Variants in PTPRT observed in about 807,000 individuals in gnomAD.
PTPRT encodes protein tyrosine phosphatase receptor type T.
Under a neutral mutation model 176.8 loss-of-function variants are expected in PTPRT, and 56 were observed. The ratio of observed to expected loss-of-function variants is 0.32; its 90% confidence interval spans 0.26 to 0.40. The LOEUF (loss-of-function observed/expected upper bound fraction) is 0.40, where lower values mean the gene tolerates loss of function less well. PTPRT is among the 10% of genes least tolerant of loss of function. PTPRT has a pLI of 1.00. For synonymous variants in PTPRT, 783 were observed against 739.0 expected (o/e 1.06, Z -0.96); for missense variants, 1,540 against 1,908.2 (o/e 0.81, Z 3.60).
intron 1 of PTPRT, among the ~76,000 whole-genome samples, chr20:42,962,709 CAG>C (rs544515920): frequency 6.6e-6 from 1 of 152,182 alleles, no homozygotes; most frequent in Non-Finnish European, 1.5e-5. Flanking sequence ...TAAAAGGACT[CAG>C]AAAGGATGTA....
At chr20:42,256,862 C>A (rs1399070767) in intron 13 of PTPRT, among the ~76,000 whole-genome samples, 1 of 152,194 alleles carries the variant, frequency 6.6e-6, no homozygotes. Context: ...GATCACCCAA[C>A]AGAAGTGGAA....
intron 1 of PTPRT, among the ~76,000 whole-genome samples, chr20:42,905,694 T>G (rs1164552484): frequency 6.6e-6 from 1 of 152,128 alleles, no homozygotes; most frequent in African/African-American, 2.4e-5. Flanking sequence ...TAGACTGGAT[T>G]AAGAAACTGT....
intron 12 of PTPRT, among the ~76,000 whole-genome samples, chr20:42,299,641 C>CTTTTTTTTTTT (rs34045854): frequency 7.0e-5 from 6 of 85,980 alleles, no homozygotes; most frequent in African/African-American, 2.0e-4. Context: ...GAACTTTTGC[C>CTTTTTTTTTTT]TTTTTTTTTT....
At chr20:42,360,196 T>C (rs2058414199) in intron 9 of PTPRT, among the ~76,000 whole-genome samples, 3 of 152,202 alleles carry the variant, frequency 2.0e-5, no homozygotes, top group Admixed American at 1.3e-4. Context: ...TGTGTCACCA[T>C]CCTGCTCCTT....
chr20:42,042,569 C>T, the PTPRT span, among the ~76,000 whole-genome samples: 1 of 152,200 alleles, frequency 6.6e-6, no homozygotes, highest in African/African-American at 2.4e-5. Flanking sequence ...AATGTTTGGA[C>T]TCCTGCTTAC....
At chr20:42,083,652 CCTCAATTCTGAGGTCAG>C (rs1983580811) in intron 29 of PTPRT, among the ~76,000 whole-genome samples, 1 of 152,196 alleles carries the variant, frequency 6.6e-6, no homozygotes, top group Admixed American at 6.5e-5. Flanking sequence ...AAAAGACTGA[CCTCAATTCTGAGGTCAG>C]TCAGATGTTA....
chr20:42,190,846 C>CT (rs1369358295), intron 16 of PTPRT, among the ~76,000 whole-genome samples: 1 of 152,136 alleles, frequency 6.6e-6, no homozygotes, highest in East Asian at 1.9e-4. Context: ...TAGTCTTGGA[C>CT]TAAGGGCCTC....
At position 42,236,239 on chromosome 20, in the gene PTPRT, A is replaced by T; in HGVS notation, c.2332T>A (p.Ser778Thr). The T allele has an allele frequency of 6.2e-7, 1 of 1,603,400 alleles. No individual in the cohort carries two copies. Among genetic ancestry groups the T allele is most frequent in the Non-Finnish European group, 8.5e-7 (1 of 1,170,922 alleles). Residue 778 changes from serine to threonine, a missense_variant, in exon 15 of 31, where the codon TCC becomes ACC. Physicochemically the swap from Ser to Thr is moderately conservative, Grantham distance 58 (BLOSUM62 1). This residue lies in a region of PTPRT where 255 missense variants were observed against 250.1 expected (regional missense o/e 1.02). Coordinates refer to ENST00000373187, the MANE Select transcript of PTPRT (RefSeq NM_007050.6). ...CAGCTCGATACTTACAAGTAATAGG[A>T]GTAGGAATAAGCATTTCTTCTATAT... is the stretch of plus-strand genomic sequence containing the variant. ...IKRRRNAYSY[S>T]YYLKLAKKQK...
rs547848277 is a variant in PTPRT, at chr20:42,136,759, T to C, written c.2770+5156A>G. ...AAAAGAAGAACATGAGATATGTATTTGGATGCAAGTAGTTGTTGTCGGGGG... is the reference window on the plus strand; with the variant it reads ...AAAAGAAGAACATGAGATATGTATTCGGATGCAAGTAGTTGTTGTCGGGGG... On this transcript the variant is annotated intron_variant, in intron 18 of 30. Transcript: ENST00000373187. 1.2e-4 allele frequency among the ~76,000 whole-genome samples: 19 copies of C among 152,306 alleles called. No homozygotes were observed. In the East Asian group the frequency reaches 3.3e-3, roughly 26 times the overall value.
At chr20:42,833,005 G>A (rs2078118382) in intron 2 of PTPRT, among the ~76,000 whole-genome samples, 1 of 151,894 alleles carries the variant, frequency 6.6e-6, no homozygotes, top group Admixed American at 6.6e-5. Context: ...TGGGAGGATT[G>A]CTTGAACACA....
At chr20:43,151,164 G>A (rs1420436450) in intron 1 of PTPRT, among the ~76,000 whole-genome samples, 2 of 151,982 alleles carry the variant, frequency 1.3e-5, no homozygotes, top group African/African-American at 4.8e-5. Context: ...AAATTAGCCA[G>A]GCATGGTGGC....
At chr20:43,000,553 A>G (rs1429291105) in intron 1 of PTPRT, among the ~76,000 whole-genome samples, 4 of 152,236 alleles carry the variant, frequency 2.6e-5, no homozygotes, top group Admixed American at 6.5e-5. Flanking sequence ...GACATGATAG[A>G]GCTAGGAAAA....
intron 7 of PTPRT, among the ~76,000 whole-genome samples, chr20:42,642,024 G>A (rs776867708): frequency 2.0e-5 from 3 of 152,142 alleles, no homozygotes; most frequent in Non-Finnish European, 4.4e-5. Context: ...GGAACTACAA[G>A]GTTATTAAAT....
intron 9 of PTPRT, among the ~76,000 whole-genome samples, chr20:42,381,432 C>T (rs6030185): frequency 2.9e-4 from 44 of 152,248 alleles, no homozygotes; most frequent in African/African-American, 9.6e-4. Flanking sequence ...TCCGTCAGCC[C>T]GGGTCCCTGT....
intron 7 of PTPRT, among the ~76,000 whole-genome samples, chr20:42,604,444 A>T (rs1039905827): frequency 1.3e-5 from 2 of 152,184 alleles, no homozygotes; most frequent in African/African-American, 4.8e-5. Context: ...ACTGTGAGTT[A>T]GGCTTTTGGC....
intron 12 of PTPRT, among the ~76,000 whole-genome samples, chr20:42,312,934 T>TG (rs1052912870): frequency 2.7e-5 from 4 of 149,504 alleles, no homozygotes; most frequent in African/African-American, 9.9e-5. Flanking sequence ...AAATAGGACC[T>TG]GGGTAAAATG....
chr20:43,059,842 G>C (rs974259164), intron 1 of PTPRT, among the ~76,000 whole-genome samples: 3 of 152,068 alleles, frequency 2.0e-5, no homozygotes, highest in Non-Finnish European at 4.4e-5. Context: ...ACCTGGGCAT[G>C]GTGGTACACG....
At chr20:42,570,932 C>T (rs74737252) in intron 7 of PTPRT, among the ~76,000 whole-genome samples, 7,770 of 146,290 alleles carry the variant, frequency 0.053, 255 homozygotes, top group Middle Eastern at 0.11. Context: ...GATTAGAACA[C>T]GGACATAGAC....
intron 7 of PTPRT, among the ~76,000 whole-genome samples, chr20:42,493,386 A>G (rs1484603887): frequency 6.6e-6 from 1 of 152,066 alleles, no homozygotes; most frequent in Admixed American, 6.6e-5. Context: ...TAAGAAACTC[A>G]TCATCATTAT....
Sources: allele counts gnomAD v4.1 joint callset (sites outside exome capture counted in the v4.1 genomes callset), GRCh38; gene constraint gnomAD v4.1.1; regional missense constraint gnomAD v4.1.1; transcripts MANE v1.5; gene names NCBI Gene and HGNC (gene_info 2026-07-23, HGNC 2026-07-21).